LSAMP: variants seen among roughly 807,000 people sequenced by gnomAD.
LSAMP encodes limbic system-associated membrane protein.
A neutral mutation model predicts 38.6 loss-of-function variants in LSAMP; 7 were observed. The observed-to-expected ratio is 0.18, with a 90% CI of 0.10 to 0.34. The LOEUF (loss-of-function observed/expected upper bound fraction) is 0.34, where lower values mean the gene tolerates loss of function less well. Ranked by LOEUF, LSAMP falls within the 10% of genes least tolerant of loss-of-function variation. The probability of loss-of-function intolerance (pLI) is 1.00; values close to 1 mark genes in which losing one functional copy is unlikely to be tolerated. For synonymous variants in LSAMP, 154 were observed against 166.8 expected (o/e 0.92, Z 0.59); for missense variants, 313 against 420.0 (o/e 0.75, Z 2.23).
chr3:116,235,830 G>A (rs1350056672), intron 1 of LSAMP, among the ~76,000 whole-genome samples: 3 of 152,094 alleles, frequency 2.0e-5, no homozygotes, highest in African/African-American at 4.8e-5. Flanking sequence ...AAGAACTGAA[G>A]AATAAATCCC....
intron 1 of LSAMP, among the ~76,000 whole-genome samples, chr3:116,108,566 T>C (rs1196209295): frequency 1.3e-5 from 2 of 152,106 alleles, no homozygotes; most frequent in African/African-American, 4.8e-5. Context: ...CCGAGGCAAT[T>C]AGGCAGCATC....
intron 3 of LSAMP, among the ~76,000 whole-genome samples, chr3:115,869,325 C>CCTACAAATA (rs542010679): frequency 9.0e-5 from 12 of 132,944 alleles, no homozygotes; most frequent in Non-Finnish European, 1.5e-4. Context: ...AGAGAGACTG[C>CCTACAAATA]CTACAAATAC....
rs1246785017 is a variant in LSAMP at position 115,809,150 on chromosome 3, C to T, written c.*1167G>A. The T allele has an allele frequency of 6.6e-6, 1 of 152,158 alleles. No homozygotes were observed. The highest frequency in any genetic ancestry group is 1.5e-5 in the Non-Finnish European group (1 of 68,036). 9.4% of individuals were successfully genotyped at this position (152,158 alleles called of 1,614,324 possible). A position where few individuals can be genotyped will look rare whatever the true frequency, so the allele number is the denominator to read the frequency against. ...AGGAAATATAAGAATCCCTCAGACT[C>T]ATGAAATGAGAGTAAAATCTGAAAT... On this transcript the variant is annotated 3_prime_UTR_variant, in exon 7 of 7. Transcript: ENST00000490035.
rs528109155 is a variant in LSAMP, at chr3:116,440,454, C to T, written c.155+4423G>A. Among the ~76,000 whole-genome samples the T allele has an allele frequency of 8.5e-5, 13 of 152,248 alleles. No individual in the cohort carries two copies. In the South Asian group the frequency reaches 1.4e-3, roughly 17 times the overall value. On this transcript the variant is annotated intron_variant, in intron 1 of 6. Transcript: ENST00000490035. ...GGTTCTTTCCACAATTCTACAAATA[C>T]GTCATTCTAAGTCAAACCACATAAA...
intron 1 of LSAMP, among the ~76,000 whole-genome samples, chr3:116,272,330 T>TAACA (rs1378082961): frequency 6.6e-6 from 1 of 152,106 alleles, no homozygotes; most frequent in Non-Finnish European, 1.5e-5. Flanking sequence ...AAAACAACTA[T>TAACA]AACACCAAGG....
chr3:115,917,892 T>C (rs757250647), intron 3 of LSAMP, among the ~76,000 whole-genome samples: 1 of 152,224 alleles, frequency 6.6e-6, no homozygotes, highest in Non-Finnish European at 1.5e-5. Context: ...ATATAAAAAT[T>C]ATCTCTGTCC....
chr3:116,322,228 T>C (rs1318054981), intron 1 of LSAMP, among the ~76,000 whole-genome samples: 1 of 152,196 alleles, frequency 6.6e-6, no homozygotes, highest in Non-Finnish European at 1.5e-5. Context: ...CATCCTACAC[T>C]AGCTGCTCTA....
intron 2 of LSAMP, among the ~76,000 whole-genome samples, chr3:116,065,151 T>C (rs1214239216): frequency 6.6e-6 from 1 of 152,142 alleles, no homozygotes; most frequent in Non-Finnish European, 1.5e-5. Flanking sequence ...TGGATAACGT[T>C]TAGTTTGGAT....
chr3:116,394,888 A>G (rs556596716), intron 1 of LSAMP, among the ~76,000 whole-genome samples: 5 of 152,220 alleles, frequency 3.3e-5, no homozygotes, highest in African/African-American at 1.2e-4. Context: ...GTGGCTGTCG[A>G]TACATAGTTG....
At chr3:116,349,841 A>G (rs1276258994) in intron 1 of LSAMP, among the ~76,000 whole-genome samples, 4 of 152,088 alleles carry the variant, frequency 2.6e-5, no homozygotes, top group East Asian at 3.9e-4. Flanking sequence ...AAATAAAAAA[A>G]GAAGACGTTT....
At chr3:116,320,521 G>A (rs1191631620) in intron 1 of LSAMP, among the ~76,000 whole-genome samples, 2 of 152,166 alleles carry the variant, frequency 1.3e-5, no homozygotes, top group African/African-American at 4.8e-5. Flanking sequence ...TGAGACAGAA[G>A]TATTGGATTC....
At chr3:116,255,459 A>G (rs1437172532) in intron 1 of LSAMP, among the ~76,000 whole-genome samples, 1 of 152,172 alleles carries the variant, frequency 6.6e-6, no homozygotes, top group Non-Finnish European at 1.5e-5. Context: ...ATTATGTGCC[A>G]GAAGTCTTTT....
rs549180423 is a variant in LSAMP, at chr3:116,358,528, T to G, written c.155+86349A>C. ...CCCACACTTGGACGGAAGAAAAGCTTTGTTATGCAAAGTTACATCTGATAG... is the reference window on the plus strand; with the variant it reads ...CCCACACTTGGACGGAAGAAAAGCTGTGTTATGCAAAGTTACATCTGATAG... On this transcript the variant is annotated intron_variant, in intron 1 of 6. Transcript: ENST00000490035. 2.6e-5 allele frequency among the ~76,000 whole-genome samples: 4 copies of G among 152,256 alleles called. No homozygotes were observed. In the South Asian group the frequency reaches 8.3e-4, roughly 32 times the overall value.
At chr3:116,173,816 C>G (rs1411710341) in intron 1 of LSAMP, among the ~76,000 whole-genome samples, 1 of 147,596 alleles carries the variant, frequency 6.8e-6, no homozygotes, top group East Asian at 2.0e-4. Context: ...GGAAAGCAAT[C>G]TCCAGTTTCT....
chr3:116,108,409 C>T (rs977915886), intron 1 of LSAMP, among the ~76,000 whole-genome samples: 1 of 152,014 alleles, frequency 6.6e-6, no homozygotes, highest in Admixed American at 6.5e-5. Flanking sequence ...TCAATACCCA[C>T]AACAGTTATG....
rs902168753 is a variant in LSAMP, at chr3:115,816,791, G to T, written c.920-6377C>A. On this transcript the variant is annotated intron_variant, in intron 6 of 6. Coordinates refer to ENST00000490035, the MANE Select transcript of LSAMP (RefSeq NM_002338.5). ...AACATTTTAATAGGAAAGAATATTG[G>T]TAGAGATGGAAAGAAAGGCAAATGG... The T allele has an allele frequency of 2.6e-5, 10 of 391,950 alleles. No individual in the cohort carries two copies. The Admixed American group carries it at 3.7e-4, about 14-fold the overall frequency. The allele number at this position is 391,950 out of a possible 1,614,324, so 24.3% of individuals were successfully genotyped here.
intron 2 of LSAMP, among the ~76,000 whole-genome samples, chr3:116,056,235 A>T (rs1300135681): frequency 6.6e-6 from 1 of 152,176 alleles, no homozygotes; most frequent in African/African-American, 2.4e-5. Flanking sequence ...AGTATGCATA[A>T]TGTTCTGGAT....
At chr3:115,922,949 A>T (rs1000639209) in intron 3 of LSAMP, among the ~76,000 whole-genome samples, 3 of 152,058 alleles carry the variant, frequency 2.0e-5, no homozygotes, top group African/African-American at 7.2e-5. Context: ...CAAACATCCA[A>T]AGTATGCTGA....
chr3:116,274,639 A>C (rs2047022644), intron 1 of LSAMP, among the ~76,000 whole-genome samples: 1 of 152,104 alleles, frequency 6.6e-6, no homozygotes, highest in African/African-American at 2.4e-5. Flanking sequence ...TGAAGTTAAA[A>C]TAATGAAACA....
Sources: gnomAD v4.1 joint callset for allele counts (sites outside exome capture counted in the v4.1 genomes callset) on GRCh38, gnomAD v4.1.1 for gene constraint, MANE v1.5 for transcripts, NCBI Gene and HGNC (gene_info 2026-07-23, HGNC 2026-07-21) for gene names.